Variants in DNAH8 observed in about 807,000 individuals in gnomAD.
DNAH8 encodes axonemal beta dynein heavy chain 8.
In DNAH8, 382 loss-of-function variants were observed where a neutral mutation model predicts 562.1. The ratio of observed to expected loss-of-function variants is 0.68; its 90% CI spans 0.63 to 0.74. The LOEUF (loss-of-function observed/expected upper bound fraction) is 0.74, where lower values mean the gene tolerates loss of function less well. Ranked by LOEUF, DNAH8 falls within the 30% of genes least tolerant of loss-of-function variation. DNAH8 has a pLI of 0.00. For synonymous variants in DNAH8, 1,881 were observed against 1,919.4 expected (o/e 0.98, Z 0.52); for missense variants, 5,203 against 5,620.4 (o/e 0.93, Z 2.37).
At chr6:38,724,649 G>T (rs977278398) in intron 3 of DNAH8, among the ~76,000 whole-genome samples, 14 of 152,178 alleles carry the variant, frequency 9.2e-5, no homozygotes, top group Non-Finnish European at 1.3e-4. Flanking sequence ...AGTTTTGGAT[G>T]ATAAATTGAT....
intron 62 of DNAH8, among the ~76,000 whole-genome samples, chr6:38,901,326 A>T (rs1780066935): frequency 6.6e-6 from 1 of 152,034 alleles, no homozygotes; most frequent in Non-Finnish European, 1.5e-5. Flanking sequence ...CTACTTTCTC[A>T]TTTAGTACTA....
chr6:38,778,579 A>T (rs559785961), intron 14 of DNAH8, 115 bp downstream of exon 14: 2 of 597,916 alleles, frequency 3.3e-6, no homozygotes, highest in Admixed American at 6.0e-5. Flanking sequence ...CTTAAAACTT[A>T]CAAACATAAA....
At chr6:38,788,015 T>C (rs1192655648) in intron 18 of DNAH8, among the ~76,000 whole-genome samples, 1 of 152,156 alleles carries the variant, frequency 6.6e-6, no homozygotes, top group Non-Finnish European at 1.5e-5. Context: ...ACAGAACTGA[T>C]TAAATATGAG....
chr6:38,821,822 A>C (rs1738212), intron 26 of DNAH8, among the ~76,000 whole-genome samples: 75,174 of 152,044 alleles, frequency 0.49, 19,568 homozygotes, highest in East Asian at 0.7. Flanking sequence ...TGGGCTTCCC[A>C]AAGTGCTGGG....
intron 85 of DNAH8, among the ~76,000 whole-genome samples, chr6:38,980,947 T>G (rs960469282): frequency 2.6e-5 from 4 of 152,106 alleles, no homozygotes; most frequent in Non-Finnish European, 5.9e-5. Context: ...TTTAGATTTT[T>G]TTTTAAATGG....
At chr6:38,881,638 G>C (rs1386558141) in intron 53 of DNAH8, among the ~76,000 whole-genome samples, 5 of 145,634 alleles carry the variant, frequency 3.4e-5, no homozygotes, top group African/African-American at 1.0e-4. Flanking sequence ...CACAACCTCC[G>C]CCTCCCGGGT....
chr6:38,732,206 A>C (rs1219587358), intron 4 of DNAH8, among the ~76,000 whole-genome samples: 1 of 152,222 alleles, frequency 6.6e-6, no homozygotes, highest in Non-Finnish European at 1.5e-5. Flanking sequence ...TCCATTATAC[A>C]GCTGCATTGT....
At chr6:38,732,696 T>C (rs72858216) in intron 4 of DNAH8, among the ~76,000 whole-genome samples, 30 of 152,172 alleles carry the variant, frequency 2.0e-4, no homozygotes, top group Admixed American at 9.2e-4. Flanking sequence ...TTTTTCTTTA[T>C]GTGTATTCAT....
At chr6:38,933,823 T>C in intron 76 of DNAH8, among the ~76,000 whole-genome samples, 1 of 152,320 alleles carries the variant, frequency 6.6e-6, no homozygotes, top group East Asian at 1.9e-4. Context: ...ATACCCTTGT[T>C]ATTCAGAGTT....
rs1779667797 is a variant in DNAH8, at chr6:38,896,124, C to T, written c.8839C>T (p.Leu2947Phe). Residue 2947 changes from leucine (L) to phenylalanine (F), a missense_variant, in exon 60 of 93, where the codon CTT becomes TTT. Around this residue, in one of 6 missense-constraint regions of DNAH8, gnomAD observed 977 missense variants for 1,061.8 expected, o/e 0.92. Transcript: ENST00000327475. ...TGGCTCTGATGCAGCGTCGTGTATTCTTCCTGAACCATACTTTGTGGATTT... is the reference window on the plus strand; with the variant it reads ...TGGCTCTGATGCAGCGTCGTGTATTTTTCCTGAACCATACTTTGTGGATTT... The part of the protein sequence containing the change: ...NIGSDAASCI[L>F]PEPYFVDFLR... 1 of 1,613,586 alleles carries T rather than the reference C, an allele frequency of 6.2e-7. No individual in the cohort carries two copies. The highest frequency in any genetic ancestry group is 8.5e-7 in the Non-Finnish European group (1 of 1,179,856).
In DNAH8 at chr6:38,898,504, G is replaced by T. The variant is rs189559020; in HGVS notation, c.9063+124G>T. 869 of 728,108 alleles carry T rather than the reference G, an allele frequency of 1.2e-3. 5 individuals are homozygous for T. Among genetic ancestry groups the T allele is most frequent in the Non-Finnish European group, 6.6e-4 (340 of 514,488 alleles). The allele number at this position is 728,108 out of a possible 1,614,324, so 45.1% of individuals were successfully genotyped here. A position where few individuals can be genotyped will look rare whatever the true frequency, so the allele number is the denominator to read the frequency against. On this transcript the variant is annotated intron_variant, in intron 61 of 92. Transcript: ENST00000327475. ...GTACCGTATAGAAGACTGTACATAG[G>T]TTGGGTCAATTCACTGTCCCAGAAA...
intron 47 of DNAH8, among the ~76,000 whole-genome samples, chr6:38,867,772 A>C (rs971372191): frequency 6.8e-6 from 1 of 147,182 alleles, no homozygotes; most frequent in Admixed American, 6.8e-5. Flanking sequence ...AAAAAAAAAA[A>C]CAAAAAAGAA....
At chr6:38,962,280 A>G (rs1371596822) in intron 82 of DNAH8, among the ~76,000 whole-genome samples, 1 of 152,064 alleles carries the variant, frequency 6.6e-6, no homozygotes, top group African/African-American at 2.4e-5. Flanking sequence ...TTCTAGTTGG[A>G]TAGTAGAGGG....
intron 7 of DNAH8, among the ~76,000 whole-genome samples, chr6:38,739,953 G>A (rs1337012702): frequency 3.9e-5 from 6 of 152,066 alleles, no homozygotes; most frequent in African/African-American, 9.7e-5. Context: ...CAATTGTCTC[G>A]ATTTAAGATT....
At chr6:38,817,814 C>T (rs1772425851) in intron 26 of DNAH8, among the ~76,000 whole-genome samples, 1 of 152,130 alleles carries the variant, frequency 6.6e-6, no homozygotes. Context: ...TATGAATTTA[C>T]ATAAAATACC....
At chr6:38,856,707 A>G (rs145008067) in intron 41 of DNAH8, among the ~76,000 whole-genome samples, 59 of 152,290 alleles carry the variant, frequency 3.9e-4, no homozygotes, top group African/African-American at 1.2e-3. Flanking sequence ...TAAGGCAGGG[A>G]CAGAAAGAGG....
chr6:38,848,078 ATCT>A (rs1202205940), intron 36 of DNAH8, among the ~76,000 whole-genome samples: 1 of 152,192 alleles, frequency 6.6e-6, no homozygotes, highest in East Asian at 1.9e-4. Flanking sequence ...CTGTGCGGTC[ATCT>A]TCTCCAGGTG....
intron 92 of DNAH8, 134 bp from the exon 93 acceptor site, chr6:39,029,971 G>A (rs896204613): frequency 5.8e-6 from 4 of 689,164 alleles, no homozygotes; most frequent in Admixed American, 5.6e-5. Flanking sequence ...CAATGTACCC[G>A]GTGGTGCTTT....
chr6:38,861,171 C>T (rs989927124), intron 43 of DNAH8, among the ~76,000 whole-genome samples: 18 of 152,118 alleles, frequency 1.2e-4, no homozygotes, highest in East Asian at 1.9e-4. Flanking sequence ...ACTTAAATTG[C>T]GTTCTTTAAT....
Sources: allele counts gnomAD v4.1 joint callset (sites outside exome capture counted in the v4.1 genomes callset), GRCh38; gene constraint gnomAD v4.1.1; regional missense constraint gnomAD v4.1.1; transcripts MANE v1.5; gene names NCBI Gene and HGNC (gene_info 2026-07-23, HGNC 2026-07-21).